GRB2: variants seen among roughly 807,000 people sequenced by gnomAD.
GRB2 encodes the protein growth factor receptor bound protein 2, also known as growth factor receptor-bound protein 2.
A neutral mutation model predicts 27.4 loss-of-function variants in GRB2; 2 were observed. The observed-to-expected ratio is 0.07, with a 90% CI of 0.03 to 0.23. The LOEUF is 0.23. Among genes scored for constraint, GRB2 ranks in the 10% least tolerant of loss-of-function variants. GRB2 has a pLI of 1.00. For synonymous variants in GRB2, 94 were observed against 99.6 expected, an observed-to-expected ratio of 0.94 and a Z score of 0.33; for missense variants, 102 against 282.4, an observed-to-expected ratio of 0.36 and a Z score of 4.58.
chr17:75,318,978 T>C lies in GRB2; in HGVS notation c.*1390A>G, dbSNP rs1419464288. On this transcript the variant is annotated 3_prime_UTR_variant, in exon 6 of 6. Coordinates refer to ENST00000316804, the MANE Select transcript of GRB2 (RefSeq NM_002086.5). The stretch of plus-strand genomic sequence containing the variant: ...GCGGGGGCCACAACCCCCGAGACGG[T>C]GAGGACAGGCTTCCGACCCCCCTGT... The C allele has an allele frequency of 6.7e-6, 1 of 148,652 alleles. No homozygotes were observed. The highest frequency in any genetic ancestry group is 1.5e-5 in the Non-Finnish European group (1 of 66,874). The allele number at this position is 148,652 out of a possible 1,614,324, so 9.2% of individuals were successfully genotyped here.
intron 2 of GRB2, among the ~76,000 whole-genome samples, chr17:75,353,195 A>T (rs2078704613): frequency 6.6e-6 from 1 of 151,340 alleles, no homozygotes; most frequent in African/African-American, 2.4e-5. Context: ...AAAAAAAAAA[A>T]AAAAAGACAC....
intron 1 of GRB2, chr17:75,394,011 T>G (rs2079015688): frequency 1.9e-5 from 5 of 261,676 alleles, no homozygotes; most frequent in Non-Finnish European, 3.7e-5. Flanking sequence ...ACACTTCCTC[T>G]TCCTTCCCGC....
chr17:75,339,856 T>C (rs2078608834), intron 2 of GRB2, among the ~76,000 whole-genome samples: 1 of 152,216 alleles, frequency 6.6e-6, no homozygotes, highest in South Asian at 2.1e-4. Flanking sequence ...CTTGAACTAC[T>C]GACCTCAGGC....
At chr17:75,337,893 TAC>T (rs2078589942) in intron 2 of GRB2, among the ~76,000 whole-genome samples, 10 of 128,264 alleles carry the variant, frequency 7.8e-5, no homozygotes, top group African/African-American at 2.8e-4. Flanking sequence ...CTACTACTAC[TAC>T]TACTACTATT....
At chr17:75,380,903 T>A (rs1220010671) in intron 2 of GRB2, among the ~76,000 whole-genome samples, 1 of 152,208 alleles carries the variant, frequency 6.6e-6, no homozygotes, top group African/African-American at 2.4e-5. Flanking sequence ...GTTCTATTGT[T>A]AAAGGAGACT....
chr17:75,376,507 G>A (rs2145859322), intron 2 of GRB2, among the ~76,000 whole-genome samples: 1 of 139,318 alleles, frequency 7.2e-6, no homozygotes, highest in South Asian at 2.4e-4. Flanking sequence ...GGCAACAGAG[G>A]GAGACTCTGT....
At position 75,337,922 on chromosome 17, in the gene GRB2, T is replaced by C. The variant is rs1482081181; in HGVS notation, c.79-5125A>G. On this transcript the variant is annotated intron_variant, in intron 2 of 5. Coordinates refer to ENST00000316804, the MANE Select transcript of GRB2 (RefSeq NM_002086.5). ...ACTACTATTATTATTATTATTATTATTATTATTATTATTATTATTATTTAT... is the reference window on the plus strand; with the variant it reads ...ACTACTATTATTATTATTATTATTACTATTATTATTATTATTATTATTTAT... 2.9e-4 allele frequency among the ~76,000 whole-genome samples: 42 copies of C among 143,694 alleles called. 1 individual carries two copies. Among genetic ancestry groups the C allele is most frequent in the African/African-American group, 6.6e-4 (26 of 39,600 alleles). The allele number at this position is 143,694 out of a possible 152,430, so 94.3% of individuals were successfully genotyped here.
chr17:75,391,807 CAAAAA>C (rs60382091), intron 2 of GRB2, among the ~76,000 whole-genome samples: 136 of 121,706 alleles, frequency 1.1e-3, no homozygotes, highest in Middle Eastern at 3.8e-3. Context: ...GACTCCATCT[CAAAAA>C]AAAAAAAAAA....
intron 4 of GRB2, among the ~76,000 whole-genome samples, chr17:75,323,668 C>A (rs2078475823): frequency 6.6e-6 from 1 of 152,180 alleles, no homozygotes; most frequent in Admixed American, 6.5e-5. Context: ...CAGCGTCCAG[C>A]CGAGCACGTG....
intron 2 of GRB2, among the ~76,000 whole-genome samples, chr17:75,340,486 C>G (rs2078613311): frequency 6.6e-6 from 1 of 152,190 alleles, no homozygotes; most frequent in Non-Finnish European, 1.5e-5. Context: ...GTGACATCTA[C>G]TACATAATTT....
At chr17:75,396,069 C>T (rs2079027391) in intron 1 of GRB2, among the ~76,000 whole-genome samples, 1 of 152,066 alleles carries the variant, frequency 6.6e-6, no homozygotes, top group Non-Finnish European at 1.5e-5. Context: ...AACTCCTGGC[C>T]TCAAGTGATC....
chr17:75,363,859 C>CAAAAAAAAAAAAAAAAAAAAAAA (rs55746272), intron 2 of GRB2, among the ~76,000 whole-genome samples: 4 of 58,536 alleles, frequency 6.8e-5, no homozygotes, highest in African/African-American at 1.4e-4. Context: ...GACTCCGTCT[C>CAAAAAAAAAAAAAAAAAAAAAAA]AAAAAAAAAA....
At chr17:75,388,200 G>A (rs1294305944) in intron 2 of GRB2, among the ~76,000 whole-genome samples, 3 of 152,058 alleles carry the variant, frequency 2.0e-5, no homozygotes, top group Middle Eastern at 3.4e-3. Context: ...GGGTTCAAGC[G>A]ATTCTCCTCC....
At chr17:75,327,852 T>C (rs1171224222) in intron 3 of GRB2, among the ~76,000 whole-genome samples, 1 of 152,148 alleles carries the variant, frequency 6.6e-6, no homozygotes, top group Non-Finnish European at 1.5e-5. Flanking sequence ...CTGAATAGTC[T>C]GACATCTACC....
At chr17:75,364,085 A>C (rs921247443) in intron 2 of GRB2, among the ~76,000 whole-genome samples, 3 of 152,154 alleles carry the variant, frequency 2.0e-5, no homozygotes, top group African/African-American at 7.2e-5. Context: ...TCTCACAAGA[A>C]CCACAAACTT....
intron 2 of GRB2, among the ~76,000 whole-genome samples, chr17:75,381,773 C>A (rs1419219902): frequency 6.8e-6 from 1 of 147,046 alleles, no homozygotes; most frequent in Non-Finnish European, 1.5e-5. Flanking sequence ...GAAATAATGA[C>A]ATGAAATGAT....
At chr17:75,336,417 T>C (rs2078577186) in intron 2 of GRB2, among the ~76,000 whole-genome samples, 3 of 152,206 alleles carry the variant, frequency 2.0e-5, no homozygotes, top group Non-Finnish European at 4.4e-5. Flanking sequence ...AACCTATTTG[T>C]GCATCAAAAC....
intron 1 of GRB2, among the ~76,000 whole-genome samples, chr17:75,401,394 G>A (rs1237303108): frequency 8.4e-5 from 12 of 143,654 alleles, no homozygotes; most frequent in Admixed American, 7.3e-4. Context: ...GCAGTGAGCC[G>A]AGATTGCGCC....
intron 2 of GRB2, among the ~76,000 whole-genome samples, chr17:75,358,564 C>T (rs1434588292): frequency 1.3e-5 from 2 of 151,798 alleles, no homozygotes; most frequent in Non-Finnish European, 2.9e-5. Context: ...TCATTAAGAT[C>T]ATTAAGAGTA....
Sources: allele counts gnomAD v4.1 joint callset (sites outside exome capture counted in the v4.1 genomes callset), GRCh38; gene constraint gnomAD v4.1.1; transcripts MANE v1.5; gene names NCBI Gene and HGNC (gene_info 2026-07-23, HGNC 2026-07-21).